The following CADM2 variants were observed in gnomAD, a reference collection of about 807,000 sequenced individuals.
CADM2 encodes the protein cell adhesion molecule 2.
CADM2 carries 12 observed loss-of-function variants against 49.8 expected under a neutral mutation model. The ratio of observed to expected loss-of-function variants is 0.24; its 90% confidence interval spans 0.15 to 0.39. The LOEUF (loss-of-function observed/expected upper bound fraction) is 0.39, where lower values mean the gene tolerates loss of function less well. Among genes scored for constraint, CADM2 ranks in the 10% least tolerant of loss-of-function variants. The pLI, the probability that CADM2 is intolerant of heterozygous loss-of-function variation, is 1.00. For missense variants in CADM2, 378 were observed against 492.3 expected, an observed-to-expected ratio of 0.77 and a Z score of 2.20; for synonymous variants, 214 against 175.4, an observed-to-expected ratio of 1.22 and a Z score of -1.74.
At chr3:85,613,565 G>A (rs894799841) in intron 1 of CADM2, among the ~76,000 whole-genome samples, 5 of 151,558 alleles carry the variant, frequency 3.3e-5, no homozygotes, top group African/African-American at 7.3e-5. Context: ...TAATGATCAC[G>A]ATACCAGGGT....
intron 3 of CADM2, among the ~76,000 whole-genome samples, chr3:85,859,002 T>A (rs1274562325): frequency 6.6e-6 from 1 of 152,202 alleles, no homozygotes; most frequent in East Asian, 1.9e-4. Context: ...CAAGAGAAGA[T>A]ATTTGAAGGA....
At chr3:85,517,959 C>A (rs1258727105) in intron 1 of CADM2, among the ~76,000 whole-genome samples, 2 of 152,054 alleles carry the variant, frequency 1.3e-5, no homozygotes, top group Non-Finnish European at 2.9e-5. Context: ...ATACTTTCTT[C>A]TTATTTAGAA....
At chr3:85,298,703 A>G (rs560887170) in intron 1 of CADM2, among the ~76,000 whole-genome samples, 4 of 152,250 alleles carry the variant, frequency 2.6e-5, no homozygotes, top group East Asian at 1.9e-4. Flanking sequence ...CTCAAATGAT[A>G]CAATTTATAA....
Position 85,886,286 on chromosome 3 carries a change from C to A in CADM2, c.488C>A (p.Ala163Glu). Reference sequence around the variant, plus strand: ...TGCAAAACATCTGGTAGTAAACCTGCAGCTGATATAAGATGGTTCAAAAAT... The same window carrying A: ...TGCAAAACATCTGGTAGTAAACCTGAAGCTGATATAAGATGGTTCAAAAAT... The part of the protein sequence containing the change: ...LTCKTSGSKP[A>E]ADIRWFKNDK... Residue 163 changes from alanine (A) to glutamate (E), a missense_variant, in exon 5 of 10, where the codon GCA becomes GAA. Transcript: ENST00000383699. 1 of 1,613,644 alleles carries A rather than the reference C, an allele frequency of 6.2e-7. No homozygotes were observed. The highest frequency in any genetic ancestry group is 1.7e-5 in the Admixed American group (1 of 59,996).
chr3:85,190,723 A>G (rs2041188546), intron 1 of CADM2, among the ~76,000 whole-genome samples: 1 of 152,176 alleles, frequency 6.6e-6, no homozygotes, highest in East Asian at 1.9e-4. Context: ...TGAATGCAAT[A>G]AGGGAACATG....
chr3:85,246,238 T>C (rs1576202824), intron 1 of CADM2, among the ~76,000 whole-genome samples: 1 of 151,866 alleles, frequency 6.6e-6, no homozygotes, highest in South Asian at 2.1e-4. Context: ...TAGGTGGGAA[T>C]TGAACAATGA....
chr3:85,799,687 C>A (rs980677173), intron 2 of CADM2, among the ~76,000 whole-genome samples: 5 of 152,114 alleles, frequency 3.3e-5, no homozygotes, highest in African/African-American at 1.2e-4. Context: ...ACTCCAGACC[C>A]TGTTTGCCTG....
chr3:85,953,179 T>C (rs1239820650), intron 7 of CADM2, among the ~76,000 whole-genome samples: 2 of 151,042 alleles, frequency 1.3e-5, no homozygotes, highest in African/African-American at 4.8e-5. Flanking sequence ...CTTTTTCATG[T>C]TCTGCTTTTC....
chr3:85,046,481 T>C (rs947943687), intron 1 of CADM2, among the ~76,000 whole-genome samples: 1 of 152,030 alleles, frequency 6.6e-6, no homozygotes, highest in Non-Finnish European at 1.5e-5. Flanking sequence ...AAACACAGTA[T>C]ATCAGTTGCC....
At chr3:85,042,865 T>C (rs2035497302) in intron 1 of CADM2, among the ~76,000 whole-genome samples, 1 of 152,128 alleles carries the variant, frequency 6.6e-6, no homozygotes, top group Non-Finnish European at 1.5e-5. Flanking sequence ...AAGAACCAAA[T>C]TGTCACAGAC....
chr3:85,724,883 A>G (rs2067633412), intron 1 of CADM2, among the ~76,000 whole-genome samples: 1 of 151,886 alleles, frequency 6.6e-6, no homozygotes, highest in African/African-American at 2.4e-5. Flanking sequence ...TAGATTTTTG[A>G]TGAAATTGAA....
intron 1 of CADM2, among the ~76,000 whole-genome samples, chr3:85,671,560 C>A (rs2065735929): frequency 6.6e-6 from 1 of 152,168 alleles, no homozygotes; most frequent in Admixed American, 6.5e-5. Context: ...GACCCTCTTT[C>A]CAATTCATCG....
chr3:85,271,773 A>G (rs1023464238), intron 1 of CADM2, among the ~76,000 whole-genome samples: 2 of 151,194 alleles, frequency 1.3e-5, no homozygotes, highest in African/African-American at 4.8e-5. Context: ...TATTTCACCT[A>G]AGACAAAACC....
chr3:85,356,666 G>A (rs577100509), intron 1 of CADM2, among the ~76,000 whole-genome samples: 2 of 152,248 alleles, frequency 1.3e-5, no homozygotes, highest in East Asian at 3.9e-4. Context: ...TTTGAGCACA[G>A]ATAATAACAT....
At chr3:85,132,619 G>A (rs1414906275) in intron 1 of CADM2, among the ~76,000 whole-genome samples, 2 of 149,114 alleles carry the variant, frequency 1.3e-5, no homozygotes, top group African/African-American at 4.9e-5. Context: ...ATATAAACAA[G>A]GATATATTAT....
chr3:85,769,554 T>TAC (rs1188703775), intron 2 of CADM2, among the ~76,000 whole-genome samples: 2,005 of 70,266 alleles, frequency 0.029, 318 homozygotes, highest in African/African-American at 0.082. Flanking sequence ...TATACATATA[T>TAC]GTATATATAC....
intron 1 of CADM2, among the ~76,000 whole-genome samples, chr3:85,173,395 G>A (rs764523001): frequency 6.6e-6 from 1 of 152,012 alleles, no homozygotes; most frequent in Non-Finnish European, 1.5e-5. Context: ...AACAATAGGG[G>A]ATATTTTCTA....
At chr3:85,651,746 A>T (rs2065046951) in intron 1 of CADM2, among the ~76,000 whole-genome samples, 1 of 151,966 alleles carries the variant, frequency 6.6e-6, no homozygotes, top group Non-Finnish European at 1.5e-5. Context: ...AACTCTGACT[A>T]CACCCTTGGT....
chr3:85,206,752 A>G (rs1210964010), intron 1 of CADM2, among the ~76,000 whole-genome samples: 1 of 151,266 alleles, frequency 6.6e-6, no homozygotes, highest in African/African-American at 2.5e-5. Context: ...AATCTACTTT[A>G]TATCTACTTG....
Sources: gnomAD v4.1 joint callset for allele counts (sites outside exome capture counted in the v4.1 genomes callset) on GRCh38, gnomAD v4.1.1 for gene constraint, MANE v1.5 for transcripts, NCBI Gene and HGNC (gene_info 2026-07-23, HGNC 2026-07-21) for gene names.